The following THSD4 variants were observed in gnomAD, a reference collection of about 807,000 sequenced individuals.
THSD4 encodes thrombospondin type 1 domain containing 4.
Under a neutral mutation model 119.0 loss-of-function variants are expected in THSD4, and 69 were observed. The ratio of observed to expected loss-of-function variants is 0.58; its 90% confidence interval spans 0.48 to 0.71. The LOEUF (loss-of-function observed/expected upper bound fraction) is 0.71, where lower values mean the gene tolerates loss of function less well. Among genes scored for constraint, THSD4 ranks in the 30% least tolerant of loss-of-function variants. THSD4 has a pLI of 0.00. For synonymous variants in THSD4, 524 were observed against 540.4 expected (o/e 0.97, Z 0.42); for missense variants, 1,393 against 1,391.1 (o/e 1.00, Z -0.02).
chr15:71,563,503 T>A (rs558155312), intron 7 of THSD4, among the ~76,000 whole-genome samples: 63 of 152,350 alleles, frequency 4.1e-4, no homozygotes, highest in Middle Eastern at 3.4e-3. Context: ...TTTTGATAAT[T>A]AATAGAATTC....
intron 3 of THSD4, among the ~76,000 whole-genome samples, chr15:71,213,236 G>A (rs991227705): frequency 1.3e-5 from 2 of 152,016 alleles, no homozygotes; most frequent in African/African-American, 4.8e-5. Flanking sequence ...TCTGCTTCAG[G>A]GGTCACATTG....
At chr15:71,450,998 C>T (rs1055354961) in intron 7 of THSD4, among the ~76,000 whole-genome samples, 5 of 152,052 alleles carry the variant, frequency 3.3e-5, no homozygotes, top group African/African-American at 9.7e-5. Context: ...GTCAACATGG[C>T]GAAACACCGT....
intron 7 of THSD4, among the ~76,000 whole-genome samples, chr15:71,548,465 G>A (rs2048873837): frequency 6.6e-6 from 1 of 152,250 alleles, no homozygotes; most frequent in Non-Finnish European, 1.5e-5. Context: ...AAGAGTGGAA[G>A]TGGGAGTGCT....
At chr15:71,561,897 C>G (rs368038478) in intron 7 of THSD4, among the ~76,000 whole-genome samples, 1 of 89,632 alleles carries the variant, frequency 1.1e-5, no homozygotes, top group African/African-American at 4.5e-5. Context: ...CACACACACA[C>G]ACACACACAC....
At chr15:71,290,365 A>G (rs1315581842) in intron 6 of THSD4, among the ~76,000 whole-genome samples, 3 of 152,172 alleles carry the variant, frequency 2.0e-5, no homozygotes, top group Non-Finnish European at 4.4e-5. Flanking sequence ...CCAAGAGAGC[A>G]CTTTTAAAAT....
chr15:71,269,199 A>G (rs564570224), intron 6 of THSD4, among the ~76,000 whole-genome samples: 1 of 152,358 alleles, frequency 6.6e-6, no homozygotes, highest in East Asian at 1.9e-4. Context: ...GAAAATTCTC[A>G]ATAAAATACT....
At chr15:71,632,192 T>C (rs111297996) in intron 7 of THSD4, among the ~76,000 whole-genome samples, 16 of 152,366 alleles carry the variant, frequency 1.1e-4, no homozygotes, top group African/African-American at 3.8e-4. Flanking sequence ...AAGTCCTGTT[T>C]CCTTCTCTTC....
intron 15 of THSD4, among the ~76,000 whole-genome samples, chr15:71,763,634 A>G (rs910547993): frequency 4.4e-4 from 66 of 151,014 alleles, no homozygotes; most frequent in African/African-American, 1.6e-3. Flanking sequence ...TGCAACCTCT[A>G]CCTCCCAGGT....
At chr15:71,279,777 TC>T (rs1364963411) in intron 6 of THSD4, among the ~76,000 whole-genome samples, 1 of 73,428 alleles carries the variant, frequency 1.4e-5, no homozygotes, top group Non-Finnish European at 3.4e-5. Context: ...GTGTACTTTT[TC>T]CCCTTTAAAA....
intron 15 of THSD4, among the ~76,000 whole-genome samples, chr15:71,763,476 C>T (rs568996853): frequency 7.2e-5 from 11 of 152,120 alleles, no homozygotes; most frequent in East Asian, 5.8e-4. Context: ...GATGGGAGGC[C>T]GAGGCAGGAG....
upstream of THSD4, among the ~76,000 whole-genome samples, chr15:71,114,136 G>A (rs188631884): frequency 6.6e-6 from 1 of 152,234 alleles, no homozygotes; most frequent in East Asian, 1.9e-4. Context: ...AACTGGCTCT[G>A]CCAGGCTCCG....
chr15:71,136,423 G>A (rs1434066838), intron 1 of THSD4, among the ~76,000 whole-genome samples: 1 of 152,170 alleles, frequency 6.6e-6, no homozygotes, highest in Non-Finnish European at 1.5e-5. Flanking sequence ...GGACAAGGCT[G>A]CAGTGGTGGA....
At chr15:71,627,577 A>G (rs1294099173) in intron 7 of THSD4, among the ~76,000 whole-genome samples, 2 of 152,238 alleles carry the variant, frequency 1.3e-5, no homozygotes, top group African/African-American at 4.8e-5. Context: ...GACCAAGGTT[A>G]TAGGGGTCCA....
intron 6 of THSD4, among the ~76,000 whole-genome samples, chr15:71,334,377 C>T (rs867858828): frequency 2.6e-5 from 4 of 152,210 alleles, no homozygotes; most frequent in Non-Finnish European, 4.4e-5. Flanking sequence ...AGGTGGACAT[C>T]GGCAGCTTTC....
At chr15:71,629,915 C>G (rs930722092) in intron 7 of THSD4, among the ~76,000 whole-genome samples, 2 of 152,170 alleles carry the variant, frequency 1.3e-5, no homozygotes, top group African/African-American at 4.8e-5. Context: ...CTCTGGAACC[C>G]TTGGAGGCGC....
At chr15:71,433,941 C>T (rs751290736) in intron 7 of THSD4, among the ~76,000 whole-genome samples, 3 of 152,100 alleles carry the variant, frequency 2.0e-5, no homozygotes, top group East Asian at 1.9e-4. Flanking sequence ...CCCCATTAGC[C>T]GGCCCTTAGA....
At chr15:71,643,426 C>G (rs183535793) in intron 7 of THSD4, among the ~76,000 whole-genome samples, 3 of 151,600 alleles carry the variant, frequency 2.0e-5, no homozygotes. Context: ...AGCCTAGTAC[C>G]CAATAGTTAT....
chr15:71,617,818 C>T (rs927459803), intron 7 of THSD4, among the ~76,000 whole-genome samples: 1 of 152,232 alleles, frequency 6.6e-6, no homozygotes, highest in Non-Finnish European at 1.5e-5. Flanking sequence ...ACTAACAGCT[C>T]TTTGAGCTAA....
At chr15:71,727,575 TATATATATATATACACACACACACACAC>T (rs2052879845) in intron 8 of THSD4, among the ~76,000 whole-genome samples, 1 of 37,158 alleles carries the variant, frequency 2.7e-5, no homozygotes, top group East Asian at 9.8e-4. Context: ...TATATATATA[TATATATATATATACACACACACACACAC>T]ACACACACAC....
Sources: allele counts gnomAD v4.1 joint callset (sites outside exome capture counted in the v4.1 genomes callset), GRCh38; gene constraint gnomAD v4.1.1; transcripts MANE v1.5; gene names NCBI Gene and HGNC (gene_info 2026-07-23, HGNC 2026-07-21).